DPF3: variants seen among roughly 807,000 people sequenced by gnomAD.
DPF3 encodes zinc finger protein DPF3.
DPF3 carries 18 observed loss-of-function variants against 56.8 expected under a neutral mutation model. The observed-to-expected ratio is 0.32, with a 90% confidence interval of 0.22 to 0.47. The LOEUF is 0.47. DPF3 is among the 20% of genes least tolerant of loss of function. The pLI, the probability that DPF3 is intolerant of heterozygous loss-of-function variation, is 1.00. For missense variants in DPF3, 403 were observed against 488.8 expected, an observed-to-expected ratio of 0.82 and a Z score of 1.65; for synonymous variants, 188 against 180.2, an observed-to-expected ratio of 1.04 and a Z score of -0.35.
At chr14:72,740,187 A>C (rs1890067755) in intron 3 of DPF3, among the ~76,000 whole-genome samples, 1 of 152,112 alleles carries the variant, frequency 6.6e-6, no homozygotes, top group Admixed American at 6.5e-5. Flanking sequence ...ATGGTAGGAG[A>C]CCAGCTTGGG....
chr14:72,784,332 T>C (rs1186299811), intron 1 of DPF3, among the ~76,000 whole-genome samples: 1 of 152,138 alleles, frequency 6.6e-6, no homozygotes, highest in Non-Finnish European at 1.5e-5. Context: ...GGAACCAAGA[T>C]GACTGAAACT....
At chr14:72,621,122 CTGAG>C (rs1184240121) in intron 9 of DPF3, among the ~76,000 whole-genome samples, 3 of 145,736 alleles carry the variant, frequency 2.1e-5, no homozygotes, top group Non-Finnish European at 4.5e-5. Context: ...GCCTGGGCAA[CTGAG>C]TGAGACTCTG....
intron 6 of DPF3, among the ~76,000 whole-genome samples, chr14:72,698,148 T>C (rs923223132): frequency 2.0e-5 from 3 of 152,240 alleles, no homozygotes; most frequent in Admixed American, 2.0e-4. Flanking sequence ...TTCCTAGGAC[T>C]AATCACGTGT....
chr14:72,737,205 A>C (rs1030608889), intron 3 of DPF3, among the ~76,000 whole-genome samples: 1 of 148,836 alleles, frequency 6.7e-6, no homozygotes, highest in African/African-American at 2.5e-5. Flanking sequence ...AAACAAACAA[A>C]CAAACAAAAA....
chr14:72,714,482 C>G lies in DPF3; in HGVS notation c.545G>C (p.Gly182Ala), dbSNP rs746107615. ...AGAGGCGGCGTCGTGCCTCCTCCTG[C>G]CCCCTGCAGAGCCGCGAGCCTGGGG... ...TRGRARGSAGGRRRHDAASQE... is the reference protein window; with the variant it reads ...TRGRARGSAGARRRHDAASQE... Residue 182 changes from glycine to alanine, a missense_variant, in exon 6 of 11, where the codon GGC (glycine) becomes GCC (alanine). This residue lies in a region of DPF3 where 340 missense variants were observed against 374.3 expected (regional missense o/e 0.91). Transcript: ENST00000556509. 10 of 1,613,766 alleles carry G rather than the reference C, an allele frequency of 6.2e-6. No individual in the cohort carries two copies. Among genetic ancestry groups the G allele is most frequent in the Middle Eastern group, 3.3e-4 (2 of 6,058 alleles).
chr14:72,678,740 C>G (rs1169284588), intron 7 of DPF3, among the ~76,000 whole-genome samples: 6 of 152,208 alleles, frequency 3.9e-5, no homozygotes, highest in African/African-American at 1.4e-4. Context: ...CGACTGGCAT[C>G]TCTATGGCAG....
rs76239761 is a variant in DPF3 at position 72,774,419 on chromosome 14, C to T, written c.33-2526G>A. Among the ~76,000 whole-genome samples, 1,447 of 152,124 alleles carry T rather than the reference C, an allele frequency of 9.5e-3. 11 individuals carry two copies. Among genetic ancestry groups the T allele is most frequent in the Non-Finnish European group, 0.016 (1,081 of 68,008 alleles). On this transcript the variant is annotated intron_variant, in intron 1 of 10. Transcript: ENST00000556509. The stretch of plus-strand genomic sequence containing the variant: ...CAGCTGTACCATTTTCCATTTCTAC[C>T]AACAGTGTACAAGGGTTCCAACTAC...
intron 6 of DPF3, among the ~76,000 whole-genome samples, chr14:72,706,117 A>C (rs1047629820): frequency 5.9e-5 from 9 of 152,224 alleles, no homozygotes; most frequent in African/African-American, 2.2e-4. Flanking sequence ...TAAAGAGTTA[A>C]TATAGATGAA....
intron 1 of DPF3, among the ~76,000 whole-genome samples, chr14:72,781,252 A>C (rs906808658): frequency 2.0e-5 from 3 of 152,238 alleles, no homozygotes; most frequent in Non-Finnish European, 4.4e-5. Flanking sequence ...CTAATCCCAC[A>C]AAAGTCCTCA....
intron 3 of DPF3, 61 bp downstream of exon 3, chr14:72,753,203 C>A: frequency 6.6e-7 from 1 of 1,525,560 alleles, no homozygotes. Context: ...TTGTCCTGGG[C>A]CCAGCCCAGT....
In DPF3 at chr14:72,756,955, G is replaced by GA. The variant is rs1308738352; in HGVS notation, c.194-3585_194-3584insT. ...GAAGAGAAGAGAAGAGAAAGGGAGA[G>GA]GGAAAGAGGGGGAGAGAGGGAAAGA... is the stretch of plus-strand genomic sequence containing the variant. On this transcript the variant is annotated intron_variant, in intron 2 of 10. Transcript: ENST00000556509. Among the ~76,000 whole-genome samples the GA allele has an allele frequency of 3.2e-3, 336 of 106,544 alleles. 2 individuals carry two copies. Among genetic ancestry groups the GA allele is most frequent in the South Asian group, 7.5e-3 (23 of 3,068 alleles). The allele number at this position is 106,544 out of a possible 152,430, so 69.9% of individuals were successfully genotyped here. A position where few individuals can be genotyped will look rare whatever the true frequency, so the allele number is the denominator to read the frequency against.
At chr14:72,769,788 T>C (rs1599425644) in intron 2 of DPF3, among the ~76,000 whole-genome samples, 1 of 151,146 alleles carries the variant, frequency 6.6e-6, no homozygotes, top group East Asian at 2.0e-4. Context: ...TTAAAATACA[T>C]CAAATATGTT....
chr14:72,761,193 A>G (rs1381081122), intron 2 of DPF3, among the ~76,000 whole-genome samples: 5 of 152,156 alleles, frequency 3.3e-5, no homozygotes. Flanking sequence ...AAGGATGTAG[A>G]AGATTTAAAA....
At chr14:72,836,251 T>C in intron 1 of DPF3, 1 of 985,642 alleles carries the variant, frequency 1.0e-6, no homozygotes, top group Non-Finnish European at 1.2e-6. Flanking sequence ...CCCTCTCCAG[T>C]GATATGCTTC....
chr14:72,724,914 C>T (rs1294877269), intron 4 of DPF3, among the ~76,000 whole-genome samples: 1 of 151,828 alleles, frequency 6.6e-6, no homozygotes, highest in African/African-American at 2.4e-5. Context: ...CTATGTTGCC[C>T]GGGCTGACCT....
intron 8 of DPF3, among the ~76,000 whole-genome samples, chr14:72,630,445 A>G (rs1325607357): frequency 1.3e-5 from 2 of 152,130 alleles, no homozygotes; most frequent in African/African-American, 4.8e-5. Flanking sequence ...CCCAAGTTTC[A>G]TGGGAGCCAA....
chr14:72,684,079 C>T (rs540005341), intron 7 of DPF3, among the ~76,000 whole-genome samples: 1 of 152,298 alleles, frequency 6.6e-6, no homozygotes, highest in African/African-American at 2.4e-5. Context: ...CAAGATCTCT[C>T]TCTGTCTCCC....
chr14:72,700,947 G>A (rs1246475345), intron 6 of DPF3, among the ~76,000 whole-genome samples: 1 of 152,200 alleles, frequency 6.6e-6, no homozygotes, highest in Admixed American at 6.5e-5. Context: ...CCCCAAAGTG[G>A]GGAGTTATTT....
rs1351966959 is a variant in DPF3, at chr14:72,827,482, TTTA to T, written c.33-55592_33-55590del. 8.4e-5 allele frequency among the ~76,000 whole-genome samples: 12 copies of T among 143,158 alleles called. No homozygotes were observed. In the South Asian group the frequency reaches 9.1e-4, roughly 11 times the overall value. 93.9% of individuals were successfully genotyped at this position (143,158 alleles called of 152,430 possible). A position where few individuals can be genotyped will look rare whatever the true frequency, so the allele number is the denominator to read the frequency against. On this transcript the variant is annotated intron_variant, in intron 1 of 10. Coordinates refer to ENST00000556509, the MANE Select transcript of DPF3 (RefSeq NM_001280542.3). ...CTCCTAGTACTCAACAACCATTCCC[TTTA>T]CTCTTTTTTTTTTTTTTTTTTTTTT...
Sources: gnomAD v4.1 joint callset for allele counts (sites outside exome capture counted in the v4.1 genomes callset) on GRCh38, gnomAD v4.1.1 for gene constraint, gnomAD v4.1.1 regional missense constraint, MANE v1.5 for transcripts, NCBI Gene and HGNC (gene_info 2026-07-23, HGNC 2026-07-21) for gene names.